ZNF85: variants seen among roughly 807,000 people sequenced by gnomAD.
ZNF85 encodes zinc finger protein 85.
Under a neutral mutation model 53.9 loss-of-function variants are expected in ZNF85, and 50 were observed. The ratio of observed to expected loss-of-function variants is 0.93; its 90% CI spans 0.74 to 1.17. The LOEUF (loss-of-function observed/expected upper bound fraction) is 1.17. Among genes scored for constraint, ZNF85 ranks in the 50% most tolerant of loss-of-function variants. ZNF85 has a pLI of 0.00. For synonymous variants in ZNF85, 225 were observed against 226.1 expected, an observed-to-expected ratio of 1.00 and a Z score of 0.04; for missense variants, 747 against 688.5, an observed-to-expected ratio of 1.08 and a Z score of -0.95.
chr19:20,934,061 C>T lies in ZNF85; in HGVS notation c.41C>T (p.Ser14Phe). The T allele has an allele frequency of 6.2e-7, 1 of 1,612,564 alleles. No homozygotes were observed. The highest frequency in any genetic ancestry group is 8.5e-7 in the Non-Finnish European group (1 of 1,179,306). Reference protein sequence around the residue: ...LTFRDVAIEFSLKEWQCLDTA... With the variant: ...LTFRDVAIEFFLKEWQCLDTA... ...TTTAGGGATGTGGCCATAGAATTCT[C>T]TCTGAAGGAGTGGCAATGCCTGGAC... is the stretch of plus-strand genomic sequence containing the variant. Residue 14 changes from serine (S) to phenylalanine (F), a missense_variant, in exon 2 of 4, where the codon TCT becomes TTT. Ser to Phe is a radical substitution (Grantham distance 155). Transcript: ENST00000328178.
At chr19:20,926,833 A>G (rs991808402) in intron 1 of ZNF85, 1 of 152,058 alleles carries the variant, frequency 6.6e-6, no homozygotes, top group Non-Finnish European at 1.5e-5. Context: ...AAATAAAACA[A>G]AGTTAGATTT....
At chr19:20,948,168 G>A (rs1973468199) in intron 3 of ZNF85, among the ~76,000 whole-genome samples, 1 of 152,012 alleles carries the variant, frequency 6.6e-6, no homozygotes, top group Non-Finnish European at 1.5e-5. Flanking sequence ...TTTAGTTAAA[G>A]GAGTTTGTTC....
chr19:20,926,713 A>G (rs1164687401), intron 1 of ZNF85: 2 of 152,194 alleles, frequency 1.3e-5, no homozygotes, highest in South Asian at 2.1e-4. Flanking sequence ...AGCCTTGGAA[A>G]GCTGGGGCCC....
rs1973147240 is a variant in ZNF85, at chr19:20,935,910, CTT to C, written c.229+865_229+866del. On this transcript the variant is annotated intron_variant, in intron 3 of 3. Coordinates refer to ENST00000328178, the MANE Select transcript of ZNF85 (RefSeq NM_003429.5). ...ATAGGTTACTTTGTATAATATGACA[CTT>C]TAACAATATTTATCCTTTCAATGCA... Among the ~76,000 whole-genome samples, 3 of 152,054 alleles carry C rather than the reference CTT, an allele frequency of 2.0e-5. No homozygotes were observed. The South Asian group carries it at 6.2e-4, about 32-fold the overall frequency.
chr19:20,940,808 G>T (rs1599440876), intron 3 of ZNF85, among the ~76,000 whole-genome samples: 1 of 151,950 alleles, frequency 6.6e-6, no homozygotes, highest in East Asian at 1.9e-4. Flanking sequence ...ATTCTCAAAG[G>T]TTATCTTAAA....
Position 20,949,213 on chromosome 19 carries a change from A to G in ZNF85, c.699A>G (p.Glu233=), listed in dbSNP as rs1402265394. Reference sequence around the variant, plus strand: ...CGGGAGAGAAACCTTACAAATGTGAAGAATGTGGTAAAGCCTTTAACCAGT... The same window carrying G: ...CGGGAGAGAAACCTTACAAATGTGAGGAATGTGGTAAAGCCTTTAACCAGT... The part of the protein sequence containing the change: ...IHTGEKPYKC[E]ECGKAFNQSS... The change falls in exon 4 of 4, where the codon GAA becomes GAG. Residue 233 remains glutamate, a synonymous_variant. Coordinates refer to ENST00000328178, the MANE Select transcript of ZNF85 (RefSeq NM_003429.5). 3 of 1,613,308 alleles carry G rather than the reference A, an allele frequency of 1.9e-6. No individual in the cohort carries two copies. Among genetic ancestry groups the G allele is most frequent in the Non-Finnish European group, 2.5e-6 (3 of 1,179,736 alleles).
At chr19:20,932,726 TAAAG>T (rs986493709) in intron 1 of ZNF85, among the ~76,000 whole-genome samples, 18 of 152,140 alleles carry the variant, frequency 1.2e-4, no homozygotes, top group African/African-American at 4.1e-4. Context: ...TCTAGGGTGC[TAAAG>T]AAAGATGATT....
intron 3 of ZNF85, among the ~76,000 whole-genome samples, chr19:20,940,231 T>C (rs922709276): frequency 1.3e-5 from 2 of 152,142 alleles, no homozygotes; most frequent in African/African-American, 4.8e-5. Flanking sequence ...TTAAATCTAT[T>C]GAAGTGTACA....
intron 1 of ZNF85, among the ~76,000 whole-genome samples, chr19:20,931,553 A>ACTGTTT (rs1312035075): frequency 6.6e-6 from 1 of 151,192 alleles, no homozygotes; most frequent in Non-Finnish European, 1.5e-5. Flanking sequence ...TGGCCGCAGG[A>ACTGTTT]CTGTTTCTGT....
chr19:20,923,532 G>T, intron 1 of ZNF85, 129 bp downstream of exon 1: 3 of 1,494,284 alleles, frequency 2.0e-6, no homozygotes, highest in Non-Finnish European at 2.7e-6. Flanking sequence ...TTTTTGCCCA[G>T]CTCGGCCCCA....
At chr19:20,926,856 A>G (rs1031879846) in intron 1 of ZNF85, 8 of 152,338 alleles carry the variant, frequency 5.3e-5, no homozygotes, top group African/African-American at 1.7e-4. Context: ...GTAAAAAAAA[A>G]AATTGAATTC....
At chr19:20,932,333 A>G (rs1035288727) in intron 1 of ZNF85, among the ~76,000 whole-genome samples, 1 of 152,164 alleles carries the variant, frequency 6.6e-6, no homozygotes, top group Admixed American at 6.5e-5. Context: ...CCCTCCCTAA[A>G]GAGTTTAACT....
chr19:20,925,076 T>C (rs535055447), intron 1 of ZNF85, among the ~76,000 whole-genome samples: 1 of 152,312 alleles, frequency 6.6e-6, no homozygotes, highest in South Asian at 2.1e-4. Flanking sequence ...AAGTGTATCC[T>C]ATCAAGGGAG....
At chr19:20,924,041 C>T (rs894330865) in intron 1 of ZNF85, among the ~76,000 whole-genome samples, 3 of 150,134 alleles carry the variant, frequency 2.0e-5, no homozygotes, top group Non-Finnish European at 4.4e-5. Flanking sequence ...GCCTACATCG[C>T]GCCACTGCAC....
Position 20,948,845 on chromosome 19 carries a change from A to G in ZNF85, c.331A>G (p.Asn111Asp), listed in dbSNP as rs775786472. Residue 111 changes from asparagine to aspartate, a missense_variant, in exon 4 of 4, where the codon AAT (asparagine) becomes GAT (aspartate). Asn to Asp is a conservative substitution (Grantham distance 23, BLOSUM62 1). Transcript: ENST00000328178. ...AAGATATGGAAAATGTAGACATGAA[A>G]ATTTACCATTAAGAAAAGGCTGTGA... ...LKRYGKCRHENLPLRKGCESM... is the reference protein window; with the variant it reads ...LKRYGKCRHEDLPLRKGCESM... 7.4e-6 allele frequency: 12 copies of G among 1,613,182 alleles called. No individual in the cohort carries two copies. The highest frequency in any genetic ancestry group is 9.3e-6 in the Non-Finnish European group (11 of 1,179,670).
chr19:20,931,811 G>C (rs911595022), intron 1 of ZNF85, among the ~76,000 whole-genome samples: 4 of 151,898 alleles, frequency 2.6e-5, no homozygotes, highest in Non-Finnish European at 5.9e-5. Context: ...GTTTCATCGT[G>C]TTAGCCAGGA....
chr19:20,938,465 A>G (rs943751610), intron 3 of ZNF85, among the ~76,000 whole-genome samples: 1 of 147,188 alleles, frequency 6.8e-6, no homozygotes, highest in Non-Finnish European at 1.6e-5. Flanking sequence ...GCTCTCTCAT[A>G]AGGGCATTTT....
At position 20,949,873 on chromosome 19, in the gene ZNF85, C is replaced by G. The variant is rs1374434816; in HGVS notation, c.1359C>G (p.Pro453=). ...EHKKIHTGEK[P]YECEKCGKAF... ...AGAAAATTCATACTGGAGAGAAACC[C>G]TATGAATGTGAAAAATGTGGCAAAG... Residue 453 remains proline (P), a synonymous_variant, in exon 4 of 4, where the codon CCC becomes CCG. Transcript: ENST00000328178. The G allele has an allele frequency of 1.9e-6, 3 of 1,612,316 alleles. No homozygotes were observed. Among genetic ancestry groups the G allele is most frequent in the Admixed American group, 1.7e-5 (1 of 59,848 alleles).
rs374772305 is a variant in ZNF85 at position 20,949,419 on chromosome 19, C to A, written c.905C>A (p.Thr302Asn). 6 of 1,609,236 alleles carry A rather than the reference C, an allele frequency of 3.7e-6. No individual in the cohort carries two copies. The African/African-American group carries it at 6.7e-5, about 18-fold the overall frequency. ...GKAFNRSSTL[T>N]THRKIHTGEK... ...GCTTTTAACCGATCTTCAACCCTTA[C>A]TACCCATAGAAAAATTCATACTGGA... Residue 302 changes from threonine (T) to asparagine (N), a missense_variant, in exon 4 of 4, where the codon ACT (threonine) becomes AAT (asparagine). Physicochemically the swap from Thr to Asn is moderately conservative, Grantham distance 65. Transcript: ENST00000328178.
Sources: gnomAD v4.1 joint callset for allele counts (sites outside exome capture counted in the v4.1 genomes callset) on GRCh38, gnomAD v4.1.1 for gene constraint, MANE v1.5 for transcripts, NCBI Gene and HGNC (gene_info 2026-07-23, HGNC 2026-07-21) for gene names.